Variants in BEGAIN observed in about 807,000 individuals in gnomAD.
The protein encoded by BEGAIN is brain-enriched guanylate kinase-associated protein.
Under a neutral mutation model 35.8 loss-of-function variants are expected in BEGAIN, and 19 were observed. The observed-to-expected ratio is 0.53, with a 90% CI of 0.37 to 0.78. The LOEUF (loss-of-function observed/expected upper bound fraction) is 0.78, where lower values mean the gene tolerates loss of function less well. BEGAIN is among the 30% of genes least tolerant of loss of function. The pLI is 0.00. For synonymous variants in BEGAIN, 462 were observed against 388.6 expected (o/e 1.19, Z -2.22); for missense variants, 795 against 853.6 (o/e 0.93, Z 0.85).
chr14:100,570,600 G>A (rs1754590658), intron 1 of BEGAIN, among the ~76,000 whole-genome samples: 1 of 152,176 alleles, frequency 6.6e-6, no homozygotes, highest in Non-Finnish European at 1.5e-5. Flanking sequence ...CCCAGCACCT[G>A]GCAGGGGCGG....
At position 100,574,432 on chromosome 14, in the gene BEGAIN, C is replaced by T. The variant is rs76036048; in HGVS notation, c.43-6493G>A. Reference sequence around the variant, plus strand: ...CCTTTTCCCAGCTGTGCCCCGGTGCCGCCAGGCTAGGCTGGTGACTGCGAA... The same window carrying T: ...CCTTTTCCCAGCTGTGCCCCGGTGCTGCCAGGCTAGGCTGGTGACTGCGAA... On this transcript the variant is annotated intron_variant, in intron 1 of 6. Transcript: ENST00000554140. Among the ~76,000 whole-genome samples, 1,465 of 152,190 alleles carry T rather than the reference C, an allele frequency of 9.6e-3. 27 individuals carry two copies. Among genetic ancestry groups the T allele is most frequent in the African/African-American group, 0.033 (1,390 of 41,502 alleles).
At position 100,567,240 on chromosome 14, in the gene BEGAIN, T is replaced by C. The variant is rs1263428265; in HGVS notation, c.71+671A>G. The stretch of plus-strand genomic sequence containing the variant: ...GGGAAGTCGTGGAGGAAGTGGCAAA[T>C]ATTCAAACTGGCTGATCCCAGGCCT... On this transcript the variant is annotated intron_variant, in intron 2 of 6. Transcript: ENST00000554140. This position sits in a 1 kb window ranked among gnomAD's most constrained non-coding sequence, Gnocchi z 5.1. Among the ~76,000 whole-genome samples, 1 of 151,872 alleles carries C rather than the reference T, an allele frequency of 6.6e-6. No individual in the cohort carries two copies. Among genetic ancestry groups the C allele is most frequent in the Admixed American group, 6.6e-5 (1 of 15,250 alleles).
chr14:100,564,559 A>G (rs749797371), intron 2 of BEGAIN, among the ~76,000 whole-genome samples: 4 of 152,146 alleles, frequency 2.6e-5, no homozygotes, highest in Non-Finnish European at 5.9e-5. Flanking sequence ...ATATCTATAA[A>G]TATTTGAGAG....
Position 100,577,239 on chromosome 14 carries a change from G to A in BEGAIN, c.43-9300C>T, listed in dbSNP as rs897697503. ...TAAATGGGGTGTGGGGAGGGAACTCGGAGCAGGTCAGCCAGGGCCTGTGGG... is the reference window on the plus strand; with the variant it reads ...TAAATGGGGTGTGGGGAGGGAACTCAGAGCAGGTCAGCCAGGGCCTGTGGG... On this transcript the variant is annotated intron_variant, in intron 1 of 6. Coordinates refer to ENST00000554140, the MANE Select transcript of BEGAIN (RefSeq NM_001385089.1). The A allele has an allele frequency of 3.8e-5, 15 of 398,410 alleles. No individual in the cohort carries two copies. The Admixed American group carries it at 5.3e-4, about 14-fold the overall frequency. The allele number at this position is 398,410 out of a possible 1,614,324, so 24.7% of individuals were successfully genotyped here. A position where few individuals can be genotyped will look rare whatever the true frequency, so the allele number is the denominator to read the frequency against.
At chr14:100,539,559 C>G (rs765221957) in intron 6 of BEGAIN, among the ~76,000 whole-genome samples, 23 of 152,144 alleles carry the variant, frequency 1.5e-4, no homozygotes, top group Non-Finnish European at 3.1e-4. Flanking sequence ...CTCCCCACCC[C>G]ACTCTGATTG....
rs2034777162 is a variant in BEGAIN at position 100,567,343 on chromosome 14, A to G, written c.71+568T>C. ...AGGGAGGCCGCGGGGGACACTCCCC[A>G]GAAGCTGTCGCGGGATTCCCCCAAA... On this transcript the variant is annotated intron_variant, in intron 2 of 6. Transcript: ENST00000554140. This position sits in a 1 kb window ranked among gnomAD's most constrained non-coding sequence, Gnocchi z 5.1. Among the ~76,000 whole-genome samples, 1 of 152,072 alleles carries G rather than the reference A, an allele frequency of 6.6e-6. No homozygotes were observed. Among genetic ancestry groups the G allele is most frequent in the South Asian group, 2.1e-4 (1 of 4,810 alleles).
chr14:100,574,803 C>G lies in BEGAIN; in HGVS notation c.43-6864G>C, dbSNP rs914177104. ...GAGTGACTTATTCAAGGTCACTCAG[C>G]CGGAAAGCCTCTCAGACAGGATCCA... On this transcript the variant is annotated intron_variant, in intron 1 of 6. Transcript: ENST00000554140. Among the ~76,000 whole-genome samples the G allele has an allele frequency of 3.9e-5, 6 of 152,264 alleles. No homozygotes were observed. The South Asian group carries it at 1.2e-3, about 32-fold the overall frequency.
rs759315359 is a variant in BEGAIN, at chr14:100,538,812, C to A, written c.996G>T (p.Ala332=). Residue 332 remains alanine (A), a synonymous_variant, in exon 7 of 7, where the codon GCG becomes GCT. Coordinates refer to ENST00000554140, the MANE Select transcript of BEGAIN (RefSeq NM_001385089.1). ...GCGACGCGGTCAGCGTGCTGGCCTG[C>A]GCGTGCTCCTTCTCCTCCGACGTGG... ...FSATSEEKEH[A]QASTLTASQQ... 41 of 1,602,510 alleles carry A rather than the reference C, an allele frequency of 2.6e-5. No individual in the cohort carries two copies. Among genetic ancestry groups the A allele is most frequent in the Non-Finnish European group, 2.9e-5 (34 of 1,176,462 alleles).
At chr14:100,585,411 CCCTCCCAT>C (rs1309698859) in intron 1 of BEGAIN, among the ~76,000 whole-genome samples, 27 of 84,178 alleles carry the variant, frequency 3.2e-4, no homozygotes, top group African/African-American at 1.1e-3. Flanking sequence ...ATCCCTCCCT[CCCTCCCAT>C]CCATCCATCC....
At position 100,558,308 on chromosome 14, in the gene BEGAIN, C is replaced by G. The variant is rs781265889; in HGVS notation, c.71+9603G>C. ...CGAACTGGTCCTGTCTCAGCCTTCA[C>G]CTGACCTGCGCCCTCAGCAGCCAGG... On this transcript the variant is annotated intron_variant, in intron 2 of 6. Coordinates refer to ENST00000554140, the MANE Select transcript of BEGAIN (RefSeq NM_001385089.1). This position sits in a 1 kb window ranked among gnomAD's most constrained non-coding sequence, Gnocchi z 4.6. 6.6e-6 allele frequency among the ~76,000 whole-genome samples: 1 copy of G among 152,204 alleles called. No individual in the cohort carries two copies. The highest frequency in any genetic ancestry group is 1.5e-5 in the Non-Finnish European group (1 of 68,044).
At chr14:100,577,347 TCCACGCTTGCCACTGCCCAAGCAAGGC>T in intron 1 of BEGAIN, 1 of 399,072 alleles carries the variant, frequency 2.5e-6, no homozygotes, top group Non-Finnish European at 4.4e-6. Flanking sequence ...CAGTCCGGCC[TCCACGCTTGCCACTGCCCAAGCAAGGC>T]CCACTAGTTC....
rs372481738 is a variant in BEGAIN, at chr14:100,557,487, C to G, written c.71+10424G>C. ...CGGTCCCATTTCTGACACCCACTCTCTTTCCAGCTCAGGCCTGAGGATGCC... is the reference window on the plus strand; with the variant it reads ...CGGTCCCATTTCTGACACCCACTCTGTTTCCAGCTCAGGCCTGAGGATGCC... On this transcript the variant is annotated intron_variant, in intron 2 of 6. Transcript: ENST00000554140. Among the ~76,000 whole-genome samples, 3 of 152,206 alleles carry G rather than the reference C, an allele frequency of 2.0e-5. 1 individual carries two copies. The East Asian group carries it at 5.8e-4, about 29-fold the overall frequency.
At chr14:100,570,931 G>A (rs906845878) in intron 1 of BEGAIN, among the ~76,000 whole-genome samples, 2 of 152,170 alleles carry the variant, frequency 1.3e-5, no homozygotes, top group Non-Finnish European at 2.9e-5. Context: ...GAACCGCGGC[G>A]CTGCCTGGGT....
Position 100,538,016 on chromosome 14 carries a change from T to C in BEGAIN, c.1792A>G (p.Lys598Glu), listed in dbSNP as rs1306251551. ...PRTGGSGLSR[K>E]DSLTKAQLYG... is the part of the protein sequence containing the mutation. ...AGCTGGGCCTTGGTGAGGCTGTCCT[T>C]GCGGCTCAGCCCCGAGCCACCAGTC... is the stretch of plus-strand genomic sequence containing the variant. Residue 598 changes from lysine to glutamate, a missense_variant, in exon 7 of 7, where the codon AAG becomes GAG. This residue lies in a region of BEGAIN where 664 missense variants were observed against 647.7 expected (regional missense o/e 1.03). Coordinates refer to ENST00000554140, the MANE Select transcript of BEGAIN (RefSeq NM_001385089.1). The C allele has an allele frequency of 6.2e-7, 1 of 1,608,652 alleles. No homozygotes were observed. The highest frequency in any genetic ancestry group is 8.5e-7 in the Non-Finnish European group (1 of 1,178,616).
chr14:100,561,046 G>T (rs2034203039), intron 2 of BEGAIN, among the ~76,000 whole-genome samples: 1 of 152,190 alleles, frequency 6.6e-6, no homozygotes, highest in Non-Finnish European at 1.5e-5. Context: ...TGGGGGGTGG[G>T]GAGGGGGAGC....
intron 4 of BEGAIN, 84 bp from the exon 5 acceptor site, chr14:100,544,049 G>T: frequency 1.0e-6 from 1 of 987,608 alleles, no homozygotes; most frequent in Non-Finnish European, 1.5e-6. Flanking sequence ...CCCCTGGTTT[G>T]TCCCTTGTAG....
At chr14:100,560,796 T>G (rs11160593) in intron 2 of BEGAIN, among the ~76,000 whole-genome samples, 1 of 152,166 alleles carries the variant, frequency 6.6e-6, no homozygotes, top group Admixed American at 6.5e-5. Context: ...GCATCCCCTG[T>G]CCCATCTCCT....
chr14:100,579,005 C>T (rs775069123), intron 1 of BEGAIN, among the ~76,000 whole-genome samples: 61 of 152,060 alleles, frequency 4.0e-4, no homozygotes, highest in Non-Finnish European at 7.4e-4. Flanking sequence ...AGACTACAGG[C>T]GCCTGCTACC....
chr14:100,537,720 T>A lies in BEGAIN; in HGVS notation c.*249A>T, dbSNP rs139157802. The A allele has an allele frequency of 1.5e-3, 664 of 452,140 alleles. 5 individuals carry two copies. Among genetic ancestry groups the A allele is most frequent in the African/African-American group, 0.012 (589 of 48,698 alleles). The allele number at this position is 452,140 out of a possible 1,614,324, so 28.0% of individuals were successfully genotyped here. On this transcript the variant is annotated 3_prime_UTR_variant, in exon 7 of 7. Coordinates refer to ENST00000554140, the MANE Select transcript of BEGAIN (RefSeq NM_001385089.1). Reference sequence around the variant, plus strand: ...TAAAAGGGGGGATGCTCCTCTCACATGGGGGAAGGACGCGTGAAAAACGCT... The same window carrying A: ...TAAAAGGGGGGATGCTCCTCTCACAAGGGGGAAGGACGCGTGAAAAACGCT...
Sources: allele counts gnomAD v4.1 joint callset (sites outside exome capture counted in the v4.1 genomes callset), GRCh38; gene constraint gnomAD v4.1.1; regional missense constraint gnomAD v4.1.1; non-coding constraint Gnocchi (gnomAD v3.1); transcripts MANE v1.5; gene names NCBI Gene and HGNC (gene_info 2026-07-23, HGNC 2026-07-21).